The following FRMD6 variants were observed in gnomAD, a reference collection of about 807,000 sequenced individuals.
FRMD6 encodes FERM domain-containing protein 6.
FRMD6 carries 37 observed loss-of-function variants against 73.2 expected under a neutral mutation model. The ratio of observed to expected loss-of-function variants is 0.51; its 90% CI spans 0.39 to 0.66. The LOEUF is 0.66. Ranked by LOEUF, FRMD6 falls within the 30% of genes least tolerant of loss-of-function variation. The probability of loss-of-function intolerance (pLI) is 0.00; values close to 1 mark genes in which losing one functional copy is unlikely to be tolerated. For synonymous variants in FRMD6, 273 were observed against 282.2 expected (o/e 0.97, Z 0.33); for missense variants, 714 against 780.5 (o/e 0.91, Z 1.02).
intron 1 of FRMD6, among the ~76,000 whole-genome samples, chr14:51,501,197 C>G (rs1025190208): frequency 6.6e-6 from 1 of 152,156 alleles, no homozygotes; most frequent in African/African-American, 2.4e-5. Flanking sequence ...GGTGTTATGT[C>G]ATTTTCTTTG....
At chr14:51,708,856 A>G (rs180746903) in intron 7 of FRMD6, among the ~76,000 whole-genome samples, 3 of 152,302 alleles carry the variant, frequency 2.0e-5, no homozygotes, top group African/African-American at 7.2e-5. Context: ...CTTCTTGATA[A>G]CATAGGCTGT....
the FRMD6 span, among the ~76,000 whole-genome samples, chr14:51,438,172 A>G: frequency 6.6e-6 from 1 of 152,218 alleles, no homozygotes; most frequent in East Asian, 1.9e-4. Context: ...TGGCATGTTC[A>G]ATTGTGATAT....
chr14:51,433,884 G>A, the FRMD6 span, among the ~76,000 whole-genome samples: 21 of 152,330 alleles, frequency 1.4e-4, no homozygotes, highest in South Asian at 2.9e-3. Context: ...ATTGGAAATA[G>A]TATTTTGACT....
At chr14:51,713,059 CA>C (rs559159988) in intron 9 of FRMD6, among the ~76,000 whole-genome samples, 194 of 152,248 alleles carry the variant, frequency 1.3e-3, no homozygotes, top group Non-Finnish European at 2.4e-3. Flanking sequence ...TTTGTTAGAG[CA>C]ACGTCTTGAT....
Position 51,657,270 on chromosome 14 carries a change from A to G in FRMD6, c.-147+5274A>G, listed in dbSNP as rs533452771. On this transcript the variant is annotated intron_variant, in intron 1 of 13. Coordinates refer to ENST00000344768, the MANE Select transcript of FRMD6 (RefSeq NM_001267046.2). ...CTTTGAACTTGTTACTGAATTATAC[A>G]CAACCAGACAAATGCACAGATCAGG... Among the ~76,000 whole-genome samples, 5 of 152,184 alleles carry G rather than the reference A, an allele frequency of 3.3e-5. No individual in the cohort carries two copies. The South Asian group carries it at 8.3e-4, about 25-fold the overall frequency.
At chr14:51,566,952 T>C (rs957459458) in intron 1 of FRMD6, among the ~76,000 whole-genome samples, 2 of 152,200 alleles carry the variant, frequency 1.3e-5, no homozygotes, top group Non-Finnish European at 2.9e-5. Flanking sequence ...GCTCTGTTAA[T>C]GCACAGCAGG....
the FRMD6 span, among the ~76,000 whole-genome samples, chr14:51,402,225 T>C: frequency 1.3e-5 from 2 of 152,226 alleles, no homozygotes; most frequent in Non-Finnish European, 2.9e-5. Context: ...GGGAGTTTAT[T>C]TGAACTCCAG....
chr14:51,587,722 A>G (rs1437886196), intron 2 of FRMD6, among the ~76,000 whole-genome samples: 2 of 152,198 alleles, frequency 1.3e-5, no homozygotes, highest in African/African-American at 4.8e-5. Context: ...AGACCCATCT[A>G]GACATTTTCA....
intron 1 of FRMD6, among the ~76,000 whole-genome samples, chr14:51,496,411 C>T (rs570454454): frequency 5.9e-5 from 9 of 152,336 alleles, no homozygotes; most frequent in East Asian, 3.9e-4. Flanking sequence ...TAGACTTACT[C>T]GTGTGACTAC....
the FRMD6 span, among the ~76,000 whole-genome samples, chr14:51,477,373 A>G: frequency 1.3e-5 from 2 of 152,206 alleles, no homozygotes; most frequent in South Asian, 2.1e-4. Flanking sequence ...ATTCATTTTC[A>G]TATTTACAAG....
At chr14:51,482,148 A>G in the FRMD6 span, among the ~76,000 whole-genome samples, 1 of 152,238 alleles carries the variant, frequency 6.6e-6, no homozygotes, top group African/African-American at 2.4e-5. Context: ...GTTTTCCATA[A>G]CATAAAAGTG....
At chr14:51,400,885 A>G in the FRMD6 span, among the ~76,000 whole-genome samples, 222 of 152,312 alleles carry the variant, frequency 1.5e-3, 1 homozygote, top group African/African-American at 5.2e-3. Flanking sequence ...TATTTAGCCA[A>G]TTTCCTAGGT....
chr14:51,567,227 A>C (rs1403216264), intron 1 of FRMD6, among the ~76,000 whole-genome samples: 1 of 152,226 alleles, frequency 6.6e-6, no homozygotes, highest in African/African-American at 2.4e-5. Context: ...CCAAGTTGTT[A>C]ATGTTGGCAA....
intron 1 of FRMD6, among the ~76,000 whole-genome samples, chr14:51,516,178 T>G (rs1487809007): frequency 6.6e-6 from 1 of 152,170 alleles, no homozygotes; most frequent in Non-Finnish European, 1.5e-5. Context: ...GAATTCTCTC[T>G]TCTAAGGACT....
At chr14:51,455,993 TG>T in the FRMD6 span, among the ~76,000 whole-genome samples, 1 of 152,186 alleles carries the variant, frequency 6.6e-6, no homozygotes, top group South Asian at 2.1e-4. Flanking sequence ...AGGCAGTGGG[TG>T]GGTGAAGCCT....
the FRMD6 span, among the ~76,000 whole-genome samples, chr14:51,414,488 C>T: frequency 1.3e-5 from 2 of 152,030 alleles, no homozygotes; most frequent in Non-Finnish European, 2.9e-5. Context: ...ATTTCTGAGG[C>T]CTCTGTTCTT....
chr14:51,472,559 T>A, the FRMD6 span, among the ~76,000 whole-genome samples: 2 of 152,144 alleles, frequency 1.3e-5, no homozygotes, highest in Non-Finnish European at 2.9e-5. Context: ...CACCTCAGCC[T>A]CCCAAAGTGC....
chr14:51,657,309 A>C (rs1239952573), intron 1 of FRMD6, among the ~76,000 whole-genome samples: 1 of 152,212 alleles, frequency 6.6e-6, no homozygotes, highest in African/African-American at 2.4e-5. Context: ...GTACAGCACA[A>C]AATGATCACA....
chr14:51,432,059 T>G, the FRMD6 span, among the ~76,000 whole-genome samples: 1 of 152,140 alleles, frequency 6.6e-6, no homozygotes, highest in Non-Finnish European at 1.5e-5. Context: ...AAATAACACA[T>G]AACGACAAGC....
Sources: gnomAD v4.1 joint callset for allele counts (sites outside exome capture counted in the v4.1 genomes callset) on GRCh38, gnomAD v4.1.1 for gene constraint, MANE v1.5 for transcripts, NCBI Gene and HGNC (gene_info 2026-07-23, HGNC 2026-07-21) for gene names.